DLG2: variants seen among roughly 807,000 people sequenced by gnomAD.
DLG2 encodes discs large MAGUK scaffold protein 2, also known as disks large homolog 2.
Under a neutral mutation model 132.5 loss-of-function variants are expected in DLG2, and 45 were observed. That is an observed-to-expected ratio of 0.34 (90% CI 0.27 to 0.44). DLG2 has a LOEUF of 0.44. DLG2 is among the 20% of genes least tolerant of loss of function. The probability of loss-of-function intolerance (pLI) is 1.00; values close to 1 mark genes in which losing one functional copy is unlikely to be tolerated. For missense variants in DLG2, 1,045 were observed against 1,196.9 expected, an observed-to-expected ratio of 0.87 and a Z score of 1.87; for synonymous variants, 424 against 419.6, an observed-to-expected ratio of 1.01 and a Z score of -0.13.
intron 6 of DLG2, among the ~76,000 whole-genome samples, chr11:84,647,482 C>T (rs547029341): frequency 1.8e-4 from 27 of 152,256 alleles, no homozygotes; most frequent in Non-Finnish European, 2.6e-4. Context: ...TAGATCAGTG[C>T]GGTAGAAATG....
intron 18 of DLG2, among the ~76,000 whole-genome samples, chr11:83,738,068 G>T (rs1390808027): frequency 6.6e-6 from 1 of 152,142 alleles, no homozygotes; most frequent in African/African-American, 2.4e-5. Context: ...ATGAAACAGG[G>T]TTAGTGATGA....
intron 6 of DLG2, among the ~76,000 whole-genome samples, chr11:84,826,595 G>C (rs749798120): frequency 8.6e-5 from 13 of 151,776 alleles, no homozygotes; most frequent in Non-Finnish European, 1.6e-4. Context: ...TTATTAACTT[G>C]AACATTTATG....
chr11:84,878,134 C>T (rs1031748470), intron 6 of DLG2, among the ~76,000 whole-genome samples: 33 of 152,104 alleles, frequency 2.2e-4, no homozygotes, highest in African/African-American at 7.7e-4. Flanking sequence ...TTAGTTCAGC[C>T]ATTGTGGAAG....
At chr11:84,504,264 G>T (rs1413545985) in intron 7 of DLG2, among the ~76,000 whole-genome samples, 1 of 152,012 alleles carries the variant, frequency 6.6e-6, no homozygotes, top group Non-Finnish European at 1.5e-5. Flanking sequence ...CTTCTACAAA[G>T]GGGTGAAATG....
In DLG2 at chr11:84,369,292, C is replaced by A. The variant is rs531909019; in HGVS notation, c.520-118001G>T. Reference sequence around the variant, plus strand: ...CTTAGGTTTGTTATGCTTTGGAACTCATTTTTTAAACCACTGTGCTACTCT... The same window carrying A: ...CTTAGGTTTGTTATGCTTTGGAACTAATTTTTTAAACCACTGTGCTACTCT... On this transcript the variant is annotated intron_variant, in intron 7 of 27. Transcript: ENST00000376104. 7.4e-4 allele frequency among the ~76,000 whole-genome samples: 113 copies of A among 152,116 alleles called. 1 individual carries two copies. Among genetic ancestry groups the A allele is most frequent in the Non-Finnish European group, 1.3e-3 (88 of 68,016 alleles).
At chr11:83,534,529 G>C (rs1455893824) in intron 20 of DLG2, among the ~76,000 whole-genome samples, 1 of 152,194 alleles carries the variant, frequency 6.6e-6, no homozygotes, top group Non-Finnish European at 1.5e-5. Context: ...GTGAAGATCA[G>C]GGTTTCTATA....
chr11:84,197,036 C>CAAAAAAAAAAAAAAAAAAAAAAAAA (rs60877284), intron 8 of DLG2, among the ~76,000 whole-genome samples: 2 of 87,938 alleles, frequency 2.3e-5, no homozygotes, highest in African/African-American at 4.4e-5. Context: ...GACTCTTTCT[C>CAAAAAAAAAAAAAAAAAAAAAAAAA]AAAAAAAAAA....
At chr11:83,483,333 G>C (rs1484626406) in intron 22 of DLG2, 2 of 1,566,278 alleles carry the variant, frequency 1.3e-6, no homozygotes, top group African/African-American at 1.4e-5. Flanking sequence ...CAATGAGAGA[G>C]GAAGAACAGC....
At chr11:83,843,071 C>T (rs544880933) in intron 16 of DLG2, among the ~76,000 whole-genome samples, 1 of 152,258 alleles carries the variant, frequency 6.6e-6, no homozygotes, top group Admixed American at 6.5e-5. Context: ...ATCTGTGTAC[C>T]TTTTAGGATA....
intron 18 of DLG2, among the ~76,000 whole-genome samples, chr11:83,741,926 C>T (rs1009860953): frequency 6.6e-6 from 1 of 151,826 alleles, no homozygotes; most frequent in Non-Finnish European, 1.5e-5. Context: ...GAGAACCTTT[C>T]CCTGACATTC....
chr11:83,720,073 A>G (rs1445094966), intron 18 of DLG2, among the ~76,000 whole-genome samples: 1 of 151,948 alleles, frequency 6.6e-6, no homozygotes, highest in African/African-American at 2.4e-5. Context: ...TGGACGGATC[A>G]CCTGAGGTCA....
intron 3 of DLG2, among the ~76,000 whole-genome samples, chr11:85,408,318 TATAAC>T (rs1380604649): frequency 6.6e-6 from 1 of 150,938 alleles, no homozygotes; most frequent in Non-Finnish European, 1.5e-5. Flanking sequence ...ATCCCTGACA[TATAAC>T]AGAACTGACA....
chr11:84,636,951 T>C (rs1379368234), intron 6 of DLG2, among the ~76,000 whole-genome samples: 3 of 152,036 alleles, frequency 2.0e-5, no homozygotes, highest in Non-Finnish European at 2.9e-5. Context: ...CTGCTAATTT[T>C]TTTTTTTTTC....
chr11:83,833,824 G>A lies in DLG2; in HGVS notation c.1566-54C>T, dbSNP rs141703788. The stretch of plus-strand genomic sequence containing the variant: ...AGAGGGTGATCCATTTAAGATTTAC[G>A]TTGCTTTTACTTTCAATGGGATATA... On this transcript the variant is annotated intron_variant, in intron 16 of 27. Transcript: ENST00000376104. 392 of 1,566,356 alleles carry A rather than the reference G, an allele frequency of 2.5e-4. 2 individuals are homozygous for A. In the African/African-American group the frequency reaches 3.6e-3, roughly 14 times the overall value.
chr11:85,276,978 C>A (rs1180197645), intron 4 of DLG2, among the ~76,000 whole-genome samples: 1 of 152,048 alleles, frequency 6.6e-6, no homozygotes, highest in Admixed American at 6.6e-5. Flanking sequence ...TAGTTAAGGT[C>A]ATTAGAAAAT....
At chr11:85,281,864 T>C (rs1308707195) in intron 4 of DLG2, among the ~76,000 whole-genome samples, 3 of 151,854 alleles carry the variant, frequency 2.0e-5, no homozygotes, top group Non-Finnish European at 4.4e-5. Flanking sequence ...TGGGTATATA[T>C]CTAAAATAAA....
At chr11:84,208,834 TAAGTA>T (rs917918223) in intron 8 of DLG2, among the ~76,000 whole-genome samples, 1 of 152,130 alleles carries the variant, frequency 6.6e-6, no homozygotes, top group African/African-American at 2.4e-5. Flanking sequence ...ATACTGGTAT[TAAGTA>T]AATAGTGGAT....
intron 10 of DLG2, among the ~76,000 whole-genome samples, chr11:84,073,826 C>T (rs1286710084): frequency 6.6e-6 from 1 of 152,162 alleles, no homozygotes; most frequent in East Asian, 1.9e-4. Context: ...TCTTCATTTA[C>T]CATGACTATA....
intron 6 of DLG2, among the ~76,000 whole-genome samples, chr11:85,003,097 T>C (rs533193439): frequency 8.5e-5 from 13 of 152,188 alleles, no homozygotes; most frequent in African/African-American, 1.9e-4. Context: ...TTACATGGCA[T>C]GGGGGATTGG....
Sources: allele counts gnomAD v4.1 joint callset (sites outside exome capture counted in the v4.1 genomes callset), GRCh38; gene constraint gnomAD v4.1.1; transcripts MANE v1.5; gene names NCBI Gene and HGNC (gene_info 2026-07-23, HGNC 2026-07-21).